SMYD3: variants seen among roughly 807,000 people sequenced by gnomAD.
The protein encoded by SMYD3 is histone-lysine N-methyltransferase SMYD3.
A neutral mutation model predicts 57.7 loss-of-function variants in SMYD3; 36 were observed. That is an observed-to-expected ratio of 0.62 (90% confidence interval 0.48 to 0.82). SMYD3 has a LOEUF of 0.82. Among genes scored for constraint, SMYD3 ranks in the 40% least tolerant of loss-of-function variants. The pLI is 0.00. For synonymous variants in SMYD3, 211 were observed against 195.0 expected, an observed-to-expected ratio of 1.08 and a Z score of -0.68; for missense variants, 515 against 538.8, an observed-to-expected ratio of 0.96 and a Z score of 0.44.
chr1:246,239,012 C>T (rs930385160), intron 5 of SMYD3, among the ~76,000 whole-genome samples: 3 of 151,198 alleles, frequency 2.0e-5, no homozygotes, highest in African/African-American at 4.9e-5. Context: ...TGGATAGTCA[C>T]GACACTTGAG....
At position 246,268,480 on chromosome 1, in the gene SMYD3, A is replaced by C. The variant is rs12081779; in HGVS notation, c.531+58721T>G. Among the ~76,000 whole-genome samples, 1,496 of 152,216 alleles carry C rather than the reference A, an allele frequency of 9.8e-3. 30 individuals carry two copies. Among genetic ancestry groups the C allele is most frequent in the African/African-American group, 0.034 (1,393 of 41,532 alleles). ...TTTGGGAGGCCAAGGCAGGCAGATC[A>C]CAAGGTCAGGAGATCCAGACCATCC... On this transcript the variant is annotated intron_variant, in intron 5 of 11. Coordinates refer to ENST00000490107, the MANE Select transcript of SMYD3 (RefSeq NM_001167740.2).
chr1:245,829,950 A>G (rs1231583861), intron 10 of SMYD3, among the ~76,000 whole-genome samples: 1 of 152,066 alleles, frequency 6.6e-6, no homozygotes, highest in Non-Finnish European at 1.5e-5. Flanking sequence ...ATGGTTATCT[A>G]GGGACTGGGG....
chr1:245,779,672 C>T (rs1258766085), intron 10 of SMYD3, among the ~76,000 whole-genome samples: 1 of 152,114 alleles, frequency 6.6e-6, no homozygotes, highest in Admixed American at 6.5e-5. Context: ...AACTTATCAA[C>T]TTGTAAGATT....
rs191124677 is a variant in SMYD3, at chr1:246,349,231, T to C, written c.228+5800A>G. Among the ~76,000 whole-genome samples, 511 of 152,318 alleles carry C rather than the reference T, an allele frequency of 3.4e-3. 2 individuals carry two copies. The highest frequency in any genetic ancestry group is 4.9e-3 in the Non-Finnish European group (333 of 68,022). On this transcript the variant is annotated intron_variant, in intron 2 of 11. Coordinates refer to ENST00000490107, the MANE Select transcript of SMYD3 (RefSeq NM_001167740.2). The stretch of plus-strand genomic sequence containing the variant: ...TATTCTTAATTGATCTAACAGATAA[T>C]AGTTTGTTCAAAAGACTGCTAATAG...
chr1:246,304,878 C>T (rs2064954374), intron 5 of SMYD3, among the ~76,000 whole-genome samples: 1 of 152,112 alleles, frequency 6.6e-6, no homozygotes, highest in East Asian at 1.9e-4. Context: ...TAAAAACTAC[C>T]AATGAGACAT....
intron 1 of SMYD3, among the ~76,000 whole-genome samples, chr1:246,391,367 G>T (rs538197966): frequency 6.7e-6 from 1 of 149,770 alleles, no homozygotes; most frequent in Admixed American, 6.7e-5. Flanking sequence ...GAAACAAAGC[G>T]AGACCTTATT....
intron 10 of SMYD3, among the ~76,000 whole-genome samples, chr1:245,797,365 T>G (rs886683346): frequency 6.6e-6 from 1 of 152,150 alleles, no homozygotes; most frequent in African/African-American, 2.4e-5. Context: ...GGATATTTCA[T>G]GTCCTTTGTA....
At chr1:246,232,363 A>G (rs1252287157) in intron 5 of SMYD3, among the ~76,000 whole-genome samples, 1 of 152,220 alleles carries the variant, frequency 6.6e-6, no homozygotes, top group Admixed American at 6.5e-5. Flanking sequence ...TGCTGGATGC[A>G]GTGTGAATTT....
At chr1:246,059,238 A>G (rs1298912010) in intron 5 of SMYD3, among the ~76,000 whole-genome samples, 1 of 152,212 alleles carries the variant, frequency 6.6e-6, no homozygotes, top group Admixed American at 6.5e-5. Context: ...GAGGGAGGCA[A>G]TAGATCCTTT....
chr1:245,751,570 GAA>G (rs1558299061), intron 11 of SMYD3, among the ~76,000 whole-genome samples: 2 of 143,782 alleles, frequency 1.4e-5, no homozygotes, highest in African/African-American at 5.6e-5. Flanking sequence ...GAGACAGAGA[GAA>G]AGAGAAAGAG....
intron 1 of SMYD3, among the ~76,000 whole-genome samples, chr1:246,469,204 C>T (rs765755123): frequency 2.4e-4 from 36 of 152,194 alleles, no homozygotes; most frequent in African/African-American, 4.1e-4. Flanking sequence ...TCCACAATCA[C>T]TCTCATCTAT....
intron 5 of SMYD3, among the ~76,000 whole-genome samples, chr1:246,255,932 AGATAGAT>A (rs2063879622): frequency 2.7e-5 from 1 of 37,548 alleles, no homozygotes; most frequent in Non-Finnish European, 6.7e-5. Flanking sequence ...CTAATAAGAT[AGATAGAT>A]AGATAGATAG....
intron 5 of SMYD3, among the ~76,000 whole-genome samples, chr1:246,129,717 C>CTCCAT (rs143878378): frequency 0.018 from 2,667 of 152,290 alleles, 70 homozygotes; most frequent in African/African-American, 0.059. Flanking sequence ...GAGGACTCGT[C>CTCCAT]TGTTCACGTA....
chr1:245,816,421 G>A lies in SMYD3; in HGVS notation c.1076+42075C>T, dbSNP rs563400948. 2.2e-4 allele frequency among the ~76,000 whole-genome samples: 33 copies of A among 147,856 alleles called. No homozygotes were observed. In the East Asian group the frequency reaches 6.1e-3, roughly 27 times the overall value. On this transcript the variant is annotated intron_variant, in intron 10 of 11. Transcript: ENST00000490107. The stretch of plus-strand genomic sequence containing the variant: ...TCTCAGACACATTTCAGAATAGGAC[G>A]ACTGGAACAATGCAATACTCATCTA...
At chr1:246,108,171 C>A (rs916523327) in intron 5 of SMYD3, among the ~76,000 whole-genome samples, 2 of 152,258 alleles carry the variant, frequency 1.3e-5, no homozygotes, top group African/African-American at 2.4e-5. Context: ...GCTGATGCAT[C>A]CACGTCTAAA....
At chr1:245,943,635 G>A (rs958539791) in intron 5 of SMYD3, among the ~76,000 whole-genome samples, 7 of 152,122 alleles carry the variant, frequency 4.6e-5, no homozygotes, top group African/African-American at 1.7e-4. Flanking sequence ...TATTTTATGA[G>A]GCCAGCGTCA....
chr1:246,233,225 A>G (rs370675031), intron 5 of SMYD3, among the ~76,000 whole-genome samples: 6 of 115,256 alleles, frequency 5.2e-5, no homozygotes, highest in East Asian at 1.2e-3. Flanking sequence ...TGATGAACAT[A>G]TACCACACAG....
At chr1:246,232,911 A>AGTCG (rs2063438373) in intron 5 of SMYD3, among the ~76,000 whole-genome samples, 7 of 128,054 alleles carry the variant, frequency 5.5e-5, no homozygotes, top group African/African-American at 9.3e-5. Flanking sequence ...AGCACTCCTC[A>AGTCG]ATTCACACTG....
intron 5 of SMYD3, among the ~76,000 whole-genome samples, chr1:246,051,515 C>T (rs1467916259): frequency 6.6e-6 from 1 of 152,054 alleles, no homozygotes; most frequent in African/African-American, 2.4e-5. Context: ...TGACTATTTA[C>T]ATTCAAATAA....
Sources: allele counts gnomAD v4.1 joint callset (sites outside exome capture counted in the v4.1 genomes callset), GRCh38; gene constraint gnomAD v4.1.1; transcripts MANE v1.5; gene names NCBI Gene and HGNC (gene_info 2026-07-23, HGNC 2026-07-21).